Variants in SLCO3A1 observed in about 807,000 individuals in gnomAD.
SLCO3A1 encodes the protein PGE1 transporter.
A neutral mutation model predicts 63.1 loss-of-function variants in SLCO3A1; 27 were observed. That is an observed-to-expected ratio of 0.43 (90% CI 0.32 to 0.59). The LOEUF (loss-of-function observed/expected upper bound fraction) is 0.59, where lower values mean the gene tolerates loss of function less well. Among genes scored for constraint, SLCO3A1 ranks in the 20% least tolerant of loss-of-function variants. The pLI is 0.09. For missense variants in SLCO3A1, 773 were observed against 945.8 expected, an observed-to-expected ratio of 0.82 and a Z score of 2.40; for synonymous variants, 473 against 409.9, an observed-to-expected ratio of 1.15 and a Z score of -1.86.
chr15:91,896,987 C>A (rs190879933), intron 1 of SLCO3A1, among the ~76,000 whole-genome samples: 7 of 152,190 alleles, frequency 4.6e-5, no homozygotes, highest in African/African-American at 1.7e-4. Context: ...TGTCTCTGCC[C>A]CTTGTAGCTC....
intron 2 of SLCO3A1, among the ~76,000 whole-genome samples, chr15:92,016,840 G>C (rs2046443844): frequency 6.6e-6 from 1 of 152,186 alleles, no homozygotes; most frequent in Non-Finnish European, 1.5e-5. Context: ...CTGTGGATTT[G>C]AGGTGGCAAT....
In SLCO3A1 at chr15:92,165,690, T is replaced by G; in HGVS notation, c.*2555T>G. On this transcript the variant is annotated 3_prime_UTR_variant, in exon 10 of 10. Transcript: ENST00000318445. Reference sequence around the variant, plus strand: ...GCTCTGAATTCTGTTGTGTCGTCTTTTAAAATTTTAATTATTCTCATATAG... The same window carrying G: ...GCTCTGAATTCTGTTGTGTCGTCTTGTAAAATTTTAATTATTCTCATATAG... The G allele has an allele frequency of 2.0e-6, 2 of 985,286 alleles. No individual in the cohort carries two copies. Among genetic ancestry groups the G allele is most frequent in the Non-Finnish European group, 2.4e-6 (2 of 829,796 alleles). 61.0% of individuals were successfully genotyped at this position (985,286 alleles called of 1,614,324 possible). A position where few individuals can be genotyped will look rare whatever the true frequency, so the allele number is the denominator to read the frequency against.
At chr15:92,153,519 T>C (rs1408620369) in intron 9 of SLCO3A1, 3 of 152,200 alleles carry the variant, frequency 2.0e-5, no homozygotes, top group African/African-American at 7.2e-5. Flanking sequence ...TTAACCACCA[T>C]TATTGTTAAT....
chr15:92,062,230 G>A (rs1241770261), intron 2 of SLCO3A1, among the ~76,000 whole-genome samples: 2 of 152,210 alleles, frequency 1.3e-5, no homozygotes, highest in Admixed American at 1.3e-4. Context: ...GATGGTAAAA[G>A]TTTTTGCAAA....
chr15:91,999,784 C>T (rs1182125853), intron 2 of SLCO3A1, among the ~76,000 whole-genome samples: 1 of 152,130 alleles, frequency 6.6e-6, no homozygotes, highest in East Asian at 1.9e-4. Flanking sequence ...AGCGAGAGAC[C>T]CTGTCTCTGA....
intron 2 of SLCO3A1, among the ~76,000 whole-genome samples, chr15:92,057,415 T>C (rs1183769398): frequency 6.6e-6 from 1 of 152,176 alleles, no homozygotes; most frequent in African/African-American, 2.4e-5. Context: ...ACTGAGAATA[T>C]TGGCAGGCTC....
intron 9 of SLCO3A1, among the ~76,000 whole-genome samples, chr15:92,158,602 G>A (rs2048400188): frequency 6.6e-6 from 1 of 152,180 alleles, no homozygotes; most frequent in Non-Finnish European, 1.5e-5. Flanking sequence ...TGTCTATGGG[G>A]AACCAGCTCC....
chr15:92,129,661 G>A (rs2047968963), intron 7 of SLCO3A1, among the ~76,000 whole-genome samples: 2 of 152,166 alleles, frequency 1.3e-5, no homozygotes, highest in African/African-American at 4.8e-5. Flanking sequence ...AGGAAAATAT[G>A]AACCCCCAGT....
At chr15:92,018,616 G>A (rs956988311) in intron 2 of SLCO3A1, among the ~76,000 whole-genome samples, 6 of 152,196 alleles carry the variant, frequency 3.9e-5, no homozygotes, top group African/African-American at 1.4e-4. Flanking sequence ...TGGCAGATAA[G>A]GTGGGGCTGC....
In SLCO3A1 at chr15:91,967,856, C is replaced by G. The variant is rs370125767; in HGVS notation, c.646+51398C>G. On this transcript the variant is annotated intron_variant, in intron 2 of 9. Coordinates refer to ENST00000318445, the MANE Select transcript of SLCO3A1 (RefSeq NM_013272.4). This position sits in a 1 kb window ranked among gnomAD's most constrained non-coding sequence, Gnocchi z 4.4. Reference sequence around the variant, plus strand: ...CAAATCCCGCTGGCATAGGCTCTTTCCTTGTCTGCTTTGTCTGCAGGATTC... The same window carrying G: ...CAAATCCCGCTGGCATAGGCTCTTTGCTTGTCTGCTTTGTCTGCAGGATTC... Among the ~76,000 whole-genome samples the G allele has an allele frequency of 6.6e-6, 1 of 152,172 alleles. No individual in the cohort carries two copies. Among genetic ancestry groups the G allele is most frequent in the South Asian group, 2.1e-4 (1 of 4,828 alleles).
chr15:92,101,132 C>T (rs989471969), intron 3 of SLCO3A1, among the ~76,000 whole-genome samples: 52 of 152,230 alleles, frequency 3.4e-4, no homozygotes, highest in African/African-American at 1.2e-3. Flanking sequence ...AGTTCTGAAA[C>T]AGTGTCTGTA....
chr15:91,949,992 A>G (rs913979108), intron 2 of SLCO3A1, among the ~76,000 whole-genome samples: 2 of 152,158 alleles, frequency 1.3e-5, no homozygotes, highest in Non-Finnish European at 2.9e-5. Flanking sequence ...GAGCAACAGA[A>G]CCAGACCCTG....
rs182481945 is a variant in SLCO3A1, at chr15:91,924,831, G to C, written c.646+8373G>C. Among the ~76,000 whole-genome samples, 3 of 152,358 alleles carry C rather than the reference G, an allele frequency of 2.0e-5. No homozygotes were observed. In the East Asian group the frequency reaches 5.8e-4, roughly 29 times the overall value. On this transcript the variant is annotated intron_variant, in intron 2 of 9. Coordinates refer to ENST00000318445, the MANE Select transcript of SLCO3A1 (RefSeq NM_013272.4). Reference sequence around the variant, plus strand: ...AGCACGGTTCAAGGTTCCCCGAAGAGAGTATTGGGATGCAGAAACCAAAAC... The same window carrying C: ...AGCACGGTTCAAGGTTCCCCGAAGACAGTATTGGGATGCAGAAACCAAAAC...
intron 2 of SLCO3A1, among the ~76,000 whole-genome samples, chr15:91,960,799 A>T (rs906360308): frequency 2.0e-5 from 3 of 152,160 alleles, no homozygotes; most frequent in African/African-American, 7.2e-5. Flanking sequence ...GAATATTTGC[A>T]TTATATATAG....
At chr15:92,136,308 A>AGG (rs1212429164) in intron 7 of SLCO3A1, among the ~76,000 whole-genome samples, 3 of 152,320 alleles carry the variant, frequency 2.0e-5, no homozygotes, top group African/African-American at 7.2e-5. Context: ...TACAATTAAT[A>AGG]GGGATCGATC....
intron 2 of SLCO3A1, among the ~76,000 whole-genome samples, chr15:91,946,843 G>A (rs1045080507): frequency 3.3e-5 from 5 of 152,188 alleles, no homozygotes; most frequent in Non-Finnish European, 7.3e-5. Flanking sequence ...GGAAGGGCAG[G>A]TCGGCGTCCT....
In SLCO3A1 at chr15:91,900,803, T is replaced by C. The variant is rs1470446883; in HGVS notation, c.181-15190T>C. Among the ~76,000 whole-genome samples, 1 of 152,250 alleles carries C rather than the reference T, an allele frequency of 6.6e-6. No homozygotes were observed. The highest frequency in any genetic ancestry group is 1.5e-5 in the Non-Finnish European group (1 of 68,040). ...CCTCAAATTACTTGCCTATTTTAAATTGAGTTGTTTGTCATTTTACTGTTG... is the reference window on the plus strand; with the variant it reads ...CCTCAAATTACTTGCCTATTTTAAACTGAGTTGTTTGTCATTTTACTGTTG... On this transcript the variant is annotated intron_variant, in intron 1 of 9. Coordinates refer to ENST00000318445, the MANE Select transcript of SLCO3A1 (RefSeq NM_013272.4). This position sits in a 1 kb window ranked among gnomAD's most constrained non-coding sequence, Gnocchi z 4.3.
At chr15:91,931,674 T>C (rs184882397) in intron 2 of SLCO3A1, among the ~76,000 whole-genome samples, 149 of 152,160 alleles carry the variant, frequency 9.8e-4, no homozygotes, top group Non-Finnish European at 1.8e-3. Flanking sequence ...TTTCACCATA[T>C]TGGTCAGGCT....
Position 91,912,211 on chromosome 15 carries a change from A to C in SLCO3A1, c.181-3782A>C, listed in dbSNP as rs552095879. Among the ~76,000 whole-genome samples, 5 of 152,324 alleles carry C rather than the reference A, an allele frequency of 3.3e-5. No individual in the cohort carries two copies. The South Asian group carries it at 1.0e-3, about 32-fold the overall frequency. On this transcript the variant is annotated intron_variant, in intron 1 of 9. Transcript: ENST00000318445. This position sits in a 1 kb window ranked among gnomAD's most constrained non-coding sequence, Gnocchi z 5.0. ...TCCTCAGGCTGGGTTGTTCACTGCC[A>C]CATAAAGGCTACAAGTGGGTTTTAT...
Sources: gnomAD v4.1 joint callset for allele counts (sites outside exome capture counted in the v4.1 genomes callset) on GRCh38, gnomAD v4.1.1 for gene constraint, Gnocchi (gnomAD v3.1) non-coding constraint, MANE v1.5 for transcripts, NCBI Gene and HGNC (gene_info 2026-07-23, HGNC 2026-07-21) for gene names.